The following FHIT variants were observed in gnomAD, a reference collection of about 807,000 sequenced individuals.
FHIT encodes the protein fragile histidine triad diadenosine triphosphatase.
A neutral mutation model predicts 17.9 loss-of-function variants in FHIT; 19 were observed. The ratio of observed to expected loss-of-function variants is 1.06; its 90% CI spans 0.74 to 1.56. FHIT has a LOEUF of 1.56. Ranked by LOEUF, FHIT falls within the 40% of genes most tolerant of loss-of-function variation. The pLI is 0.00. For missense variants in FHIT, 248 were observed against 189.2 expected (o/e 1.31, Z -1.82); for synonymous variants, 81 against 69.7 (o/e 1.16, Z -0.81).
chr3:59,963,084 T>C (rs577294680), intron 7 of FHIT, among the ~76,000 whole-genome samples: 21 of 152,068 alleles, frequency 1.4e-4, no homozygotes, highest in African/African-American at 4.1e-4. Flanking sequence ...TGAAACCCCA[T>C]CTCTACCAAA....
At chr3:60,686,562 A>G (rs1279166398) in intron 4 of FHIT, among the ~76,000 whole-genome samples, 1 of 152,038 alleles carries the variant, frequency 6.6e-6, no homozygotes, top group Non-Finnish European at 1.5e-5. Flanking sequence ...TAAAAATACA[A>G]TCTCTGTTCT....
intron 4 of FHIT, among the ~76,000 whole-genome samples, chr3:60,793,942 T>C (rs770592084): frequency 1.1e-4 from 16 of 152,126 alleles, no homozygotes; most frequent in Non-Finnish European, 2.1e-4. Flanking sequence ...CTCACAGATA[T>C]GTTGAAAGGT....
At chr3:59,913,071 C>T (rs567554820) in intron 8 of FHIT, among the ~76,000 whole-genome samples, 1 of 152,280 alleles carries the variant, frequency 6.6e-6, no homozygotes, top group South Asian at 2.1e-4. Context: ...ATGGGGACTA[C>T]TGGGCCATAT....
chr3:59,938,027 C>T (rs1006207665), intron 7 of FHIT, among the ~76,000 whole-genome samples: 3 of 152,152 alleles, frequency 2.0e-5, no homozygotes, highest in African/African-American at 7.2e-5. Context: ...CAACTTTTTG[C>T]AAGGGTTCTA....
intron 8 of FHIT, among the ~76,000 whole-genome samples, chr3:59,785,089 C>A (rs1031823754): frequency 2.6e-5 from 4 of 152,028 alleles, no homozygotes; most frequent in African/African-American, 9.7e-5. Flanking sequence ...ACAACCAGAT[C>A]TCATGAGAAC....
At chr3:59,828,323 T>C (rs1701045055) in intron 8 of FHIT, among the ~76,000 whole-genome samples, 1 of 152,232 alleles carries the variant, frequency 6.6e-6, no homozygotes, top group African/African-American at 2.4e-5. Flanking sequence ...CCTTGGCATG[T>C]ACCTACTAAG....
chr3:60,290,684 A>T (rs191481915), intron 5 of FHIT, among the ~76,000 whole-genome samples: 1 of 152,326 alleles, frequency 6.6e-6, no homozygotes, highest in East Asian at 1.9e-4. Context: ...CCTGTGCTTC[A>T]TTCACTGCAT....
At chr3:60,617,922 TA>T in intron 4 of FHIT, 1 of 236,218 alleles carries the variant, frequency 4.2e-6, no homozygotes. Flanking sequence ...TAATTTGTGA[TA>T]ACTGAAAAAT....
At chr3:60,907,017 T>A (rs1706462921) in intron 3 of FHIT, among the ~76,000 whole-genome samples, 1 of 152,006 alleles carries the variant, frequency 6.6e-6, no homozygotes, top group Non-Finnish European at 1.5e-5. Flanking sequence ...GAGAAAAACA[T>A]CATTAGGCAC....
chr3:60,977,739 C>T (rs556670078), intron 3 of FHIT, among the ~76,000 whole-genome samples: 15 of 152,096 alleles, frequency 9.9e-5, no homozygotes, highest in East Asian at 1.9e-4. Flanking sequence ...GGTGTGGTGG[C>T]GCATGCCTGT....
chr3:59,788,250 C>T (rs767387855), intron 8 of FHIT, among the ~76,000 whole-genome samples: 13 of 152,188 alleles, frequency 8.5e-5, no homozygotes, highest in Non-Finnish European at 1.3e-4. Context: ...CTGCCCTCCT[C>T]TAGTGAACTG....
At chr3:60,153,937 T>C (rs949164096) in intron 5 of FHIT, among the ~76,000 whole-genome samples, 5 of 152,176 alleles carry the variant, frequency 3.3e-5, no homozygotes, top group African/African-American at 1.2e-4. Context: ...AGAGATGACA[T>C]ACTAGTAAGA....
At chr3:59,981,334 G>C (rs947672284) in intron 7 of FHIT, among the ~76,000 whole-genome samples, 5 of 152,196 alleles carry the variant, frequency 3.3e-5, no homozygotes, top group African/African-American at 1.2e-4. Flanking sequence ...TCTTGTCTAA[G>C]TTTCAGAGTA....
At chr3:61,061,030 C>T (rs1450642239) in intron 2 of FHIT, among the ~76,000 whole-genome samples, 1 of 152,196 alleles carries the variant, frequency 6.6e-6, no homozygotes, top group Admixed American at 6.5e-5. Flanking sequence ...TTCCAAGTGA[C>T]TTGTTTCACT....
intron 4 of FHIT, among the ~76,000 whole-genome samples, chr3:60,643,966 G>C (rs558418420): frequency 6.6e-6 from 1 of 152,296 alleles, no homozygotes; most frequent in Non-Finnish European, 1.5e-5. Context: ...ACAGTGTGCT[G>C]TTACCAAATA....
chr3:61,001,722 A>C (rs1366576050), intron 3 of FHIT, among the ~76,000 whole-genome samples: 1 of 152,222 alleles, frequency 6.6e-6, no homozygotes, highest in Non-Finnish European at 1.5e-5. Flanking sequence ...ACAGTGAAGT[A>C]TCTTGATAGT....
At chr3:60,121,345 T>C (rs145050114) in intron 5 of FHIT, among the ~76,000 whole-genome samples, 234 of 152,320 alleles carry the variant, frequency 1.5e-3, no homozygotes, top group African/African-American at 5.3e-3. Context: ...ATCTGCTGTT[T>C]CACTTTTCAT....
At chr3:60,235,626 A>G (rs1704743193) in intron 5 of FHIT, among the ~76,000 whole-genome samples, 1 of 152,204 alleles carries the variant, frequency 6.6e-6, no homozygotes, top group Admixed American at 6.5e-5. Flanking sequence ...CAATGTGAAC[A>G]TACACAGCAA....
intron 4 of FHIT, among the ~76,000 whole-genome samples, chr3:60,675,470 C>T (rs1228530835): frequency 6.6e-6 from 1 of 152,178 alleles, no homozygotes; most frequent in Non-Finnish European, 1.5e-5. Flanking sequence ...CTCAAGTTCT[C>T]CCATATTCTC....
Sources: allele counts gnomAD v4.1 joint callset (sites outside exome capture counted in the v4.1 genomes callset), GRCh38; gene constraint gnomAD v4.1.1; transcripts MANE v1.5; gene names NCBI Gene and HGNC (gene_info 2026-07-23, HGNC 2026-07-21).